Variants in SEZ6L observed in about 807,000 individuals in gnomAD.
The protein encoded by SEZ6L is seizure 6-like protein.
Under a neutral mutation model 106.2 loss-of-function variants are expected in SEZ6L, and 37 were observed. The ratio of observed to expected loss-of-function variants is 0.35; its 90% CI spans 0.27 to 0.46. The LOEUF is 0.46. Ranked by LOEUF, SEZ6L falls within the 20% of genes least tolerant of loss-of-function variation. SEZ6L has a pLI of 1.00. For missense variants in SEZ6L, 1,172 were observed against 1,332.8 expected, an observed-to-expected ratio of 0.88 and a Z score of 1.88; for synonymous variants, 541 against 570.4, an observed-to-expected ratio of 0.95 and a Z score of 0.73.
intron 1 of SEZ6L, among the ~76,000 whole-genome samples, chr22:26,245,704 C>T (rs988436660): frequency 3.9e-5 from 6 of 152,084 alleles, no homozygotes; most frequent in Non-Finnish European, 7.3e-5. Context: ...TGAGAGTGGC[C>T]GCTGATTGAT....
At chr22:26,251,554 A>G (rs2079586821) in intron 1 of SEZ6L, among the ~76,000 whole-genome samples, 1 of 152,176 alleles carries the variant, frequency 6.6e-6, no homozygotes, top group Admixed American at 6.5e-5. Context: ...AAAGTCAGGC[A>G]TCTTGGGTTT....
At chr22:26,227,896 T>C (rs2078681912) in intron 1 of SEZ6L, among the ~76,000 whole-genome samples, 1 of 152,150 alleles carries the variant, frequency 6.6e-6, no homozygotes, top group Non-Finnish European at 1.5e-5. Flanking sequence ...CACACATGCA[T>C]GGAGAACTCA....
chr22:26,307,498 C>T (rs1214000412), intron 6 of SEZ6L, among the ~76,000 whole-genome samples: 3 of 150,812 alleles, frequency 2.0e-5, no homozygotes, highest in African/African-American at 7.3e-5. Flanking sequence ...AAAAAGACAA[C>T]TGAATAATTT....
At position 26,322,813 on chromosome 22, in the gene SEZ6L, G is replaced by A. The variant is rs742238; in HGVS notation, c.2015+8911G>A. ...CCCAAATGCCTCCCTAACCCACCAC[G>A]TATCCCTCCCAGCTCCATCAGAAAT... On this transcript the variant is annotated intron_variant, in intron 9 of 16. Transcript: ENST00000248933. Among the ~76,000 whole-genome samples, 1,184 of 152,208 alleles carry A rather than the reference G, an allele frequency of 7.8e-3. 42 individuals carry two copies. Among genetic ancestry groups the A allele is most frequent in the East Asian group, 0.075 (388 of 5,180 alleles).
At chr22:26,359,388 A>T (rs949233039) in intron 12 of SEZ6L, among the ~76,000 whole-genome samples, 3 of 152,172 alleles carry the variant, frequency 2.0e-5, no homozygotes, top group Non-Finnish European at 2.9e-5. Flanking sequence ...TGCATGGTGC[A>T]GTGGTTAAGA....
At chr22:26,233,650 C>T (rs1187798953) in intron 1 of SEZ6L, among the ~76,000 whole-genome samples, 1 of 152,210 alleles carries the variant, frequency 6.6e-6, no homozygotes, top group Non-Finnish European at 1.5e-5. Context: ...TTCCCTCATT[C>T]TACATGTATT....
In SEZ6L at chr22:26,332,855, T is replaced by C. The variant is rs544450377; in HGVS notation, c.2016-7581T>C. ...TATGTGGCTTTCATGGGCTGTTGTATAAAATGGTGGTTCAGATCTCAAGCT... is the reference window on the plus strand; with the variant it reads ...TATGTGGCTTTCATGGGCTGTTGTACAAAATGGTGGTTCAGATCTCAAGCT... On this transcript the variant is annotated intron_variant, in intron 9 of 16. Coordinates refer to ENST00000248933, the MANE Select transcript of SEZ6L (RefSeq NM_021115.5). 7.9e-5 allele frequency among the ~76,000 whole-genome samples: 12 copies of C among 152,316 alleles called. No individual in the cohort carries two copies. In the South Asian group the frequency reaches 2.1e-3, roughly 26 times the overall value.
At chr22:26,206,026 C>T (rs1292919920) in intron 1 of SEZ6L, among the ~76,000 whole-genome samples, 2 of 152,176 alleles carry the variant, frequency 1.3e-5, no homozygotes, top group African/African-American at 4.8e-5. Context: ...CAATGTGTCA[C>T]TCTCAGCATC....
chr22:26,367,511 A>AT (rs989531197), intron 13 of SEZ6L, among the ~76,000 whole-genome samples: 1 of 151,492 alleles, frequency 6.6e-6, no homozygotes, highest in Non-Finnish European at 1.5e-5. Context: ...GCCCAGCTAA[A>AT]TTTTTTTATT....
intron 14 of SEZ6L, among the ~76,000 whole-genome samples, chr22:26,374,457 GCATGAATTATA>G (rs1568957923): frequency 6.6e-6 from 1 of 152,052 alleles, no homozygotes; most frequent in Non-Finnish European, 1.5e-5. Context: ...AAATGAAGGA[GCATGAATTATA>G]CACTCCACTT....
chr22:26,193,541 T>A (rs1940384407), intron 1 of SEZ6L, among the ~76,000 whole-genome samples: 1 of 152,226 alleles, frequency 6.6e-6, no homozygotes, highest in African/African-American at 2.4e-5. Flanking sequence ...TTTGCTTTTT[T>A]TCTTTATTAG....
At chr22:26,267,814 A>C (rs150500067) in intron 1 of SEZ6L, among the ~76,000 whole-genome samples, 2 of 152,228 alleles carry the variant, frequency 1.3e-5, no homozygotes, top group African/African-American at 4.8e-5. Context: ...AGGGGTCACC[A>C]GGACTGCAGG....
At chr22:26,184,764 GA>G (rs1174897826) in intron 1 of SEZ6L, among the ~76,000 whole-genome samples, 2 of 151,858 alleles carry the variant, frequency 1.3e-5, no homozygotes, top group African/African-American at 2.4e-5. Flanking sequence ...TACAATAAAA[GA>G]AAAAAAAGTT....
At chr22:26,369,057 G>A (rs1425411971) in intron 13 of SEZ6L, among the ~76,000 whole-genome samples, 1 of 152,100 alleles carries the variant, frequency 6.6e-6, no homozygotes, top group Non-Finnish European at 1.5e-5. Context: ...TCATTGAGAG[G>A]CGGGCCTGGA....
At chr22:26,180,023 G>A (rs954083047) in intron 1 of SEZ6L, among the ~76,000 whole-genome samples, 9 of 152,198 alleles carry the variant, frequency 5.9e-5, no homozygotes, top group African/African-American at 2.2e-4. Flanking sequence ...CGCCATATTG[G>A]ACAGCATGGA....
intron 1 of SEZ6L, among the ~76,000 whole-genome samples, chr22:26,232,695 G>A (rs1158849950): frequency 6.6e-6 from 1 of 152,248 alleles, no homozygotes; most frequent in Non-Finnish European, 1.5e-5. Context: ...CAGCGTAGGT[G>A]TGTAGTAGGC....
Position 26,359,735 on chromosome 22 carries a change from C to G in SEZ6L, c.2600-5637C>G, listed in dbSNP as rs73158660. Among the ~76,000 whole-genome samples, 1,455 of 152,160 alleles carry G rather than the reference C, an allele frequency of 9.6e-3. 7 individuals carry two copies. Among genetic ancestry groups the G allele is most frequent in the African/African-American group, 0.013 (558 of 41,504 alleles). On this transcript the variant is annotated intron_variant, in intron 12 of 16. Transcript: ENST00000248933. The stretch of plus-strand genomic sequence containing the variant: ...TGGGAGGATCTCTTGAAAGGGAGGT[C>G]AAGGCTGAAGTGAGCTGTGTTCACG...
chr22:26,170,007 C>A (rs1259305089), intron 1 of SEZ6L, among the ~76,000 whole-genome samples: 2 of 152,168 alleles, frequency 1.3e-5, no homozygotes, highest in Non-Finnish European at 2.9e-5. Flanking sequence ...CCCTTTCGGT[C>A]TTCCCCGGCT....
intron 10 of SEZ6L, among the ~76,000 whole-genome samples, chr22:26,342,172 T>C (rs1285077911): frequency 6.6e-6 from 1 of 152,132 alleles, no homozygotes; most frequent in African/African-American, 2.4e-5. Context: ...GAAGAATGGG[T>C]GAGTGGTTGC....
Sources: allele counts gnomAD v4.1 joint callset (sites outside exome capture counted in the v4.1 genomes callset), GRCh38; gene constraint gnomAD v4.1.1; transcripts MANE v1.5; gene names NCBI Gene and HGNC (gene_info 2026-07-23, HGNC 2026-07-21).